MEF2A: variants seen among roughly 807,000 people sequenced by gnomAD.
The protein encoded by MEF2A is myocyte-specific enhancer factor 2A.
MEF2A carries 28 observed loss-of-function variants against 55.8 expected under a neutral mutation model. The ratio of observed to expected loss-of-function variants is 0.50; its 90% CI spans 0.37 to 0.69. MEF2A has a LOEUF of 0.69. Among genes scored for constraint, MEF2A ranks in the 30% least tolerant of loss-of-function variants. MEF2A has a pLI of 0.00. For synonymous variants in MEF2A, 239 were observed against 227.1 expected (o/e 1.05, Z -0.47); for missense variants, 528 against 626.2 (o/e 0.84, Z 1.67).
At chr15:99,658,310 ATGG>A (rs2048081084) in intron 4 of MEF2A, among the ~76,000 whole-genome samples, 1 of 152,234 alleles carries the variant, frequency 6.6e-6, no homozygotes, top group Non-Finnish European at 1.5e-5. Context: ...TGCAGTAAAC[ATGG>A]TGGAAGTAGA....
intron 8 of MEF2A, among the ~76,000 whole-genome samples, chr15:99,693,751 C>T (rs1211977298): frequency 6.6e-6 from 1 of 152,052 alleles, no homozygotes; most frequent in Admixed American, 6.6e-5. Context: ...GGAAGCCCTT[C>T]AGCAGGACTG....
intron 2 of MEF2A, among the ~76,000 whole-genome samples, chr15:99,624,921 T>TA (rs2041826023): frequency 6.6e-6 from 1 of 152,178 alleles, no homozygotes; most frequent in African/African-American, 2.4e-5. Context: ...ATACCCAACT[T>TA]ACAGTGGTTT....
At position 99,603,633 on chromosome 15, in the gene MEF2A, T is replaced by C. The variant is rs560169830; in HGVS notation, c.-143+5122T>C. 4.0e-5 allele frequency among the ~76,000 whole-genome samples: 6 copies of C among 151,772 alleles called. No individual in the cohort carries two copies. In the East Asian group the frequency reaches 9.7e-4, roughly 25 times the overall value. ...CCAGGCTGGTCTCGAACTGCTGACCTCAAGTGATCTGTCTGCCTTAGCCTC... is the reference window on the plus strand; with the variant it reads ...CCAGGCTGGTCTCGAACTGCTGACCCCAAGTGATCTGTCTGCCTTAGCCTC... On this transcript the variant is annotated intron_variant, in intron 2 of 11. Transcript: ENST00000557942.
chr15:99,661,236 C>A (rs1409797575), intron 4 of MEF2A, among the ~76,000 whole-genome samples: 1 of 151,952 alleles, frequency 6.6e-6, no homozygotes, highest in Middle Eastern at 3.4e-3. Flanking sequence ...TGCTTATAGA[C>A]CTAAATGTAA....
intron 2 of MEF2A, among the ~76,000 whole-genome samples, chr15:99,615,028 T>C (rs1310345690): frequency 6.6e-6 from 1 of 152,114 alleles, no homozygotes; most frequent in African/African-American, 2.4e-5. Flanking sequence ...GTTGCTGTAA[T>C]GAAAATGAGG....
At chr15:99,577,328 G>T (rs1346105694) in intron 1 of MEF2A, among the ~76,000 whole-genome samples, 1 of 152,140 alleles carries the variant, frequency 6.6e-6, no homozygotes, top group African/African-American at 2.4e-5. Context: ...GAAACATAAA[G>T]ATTTATTTCA....
rs114755708 is a variant in MEF2A, at chr15:99,638,597, G to T, written c.54+5424G>T. On this transcript the variant is annotated intron_variant, in intron 3 of 11. Coordinates refer to ENST00000557942, the MANE Select transcript of MEF2A (RefSeq NM_001319206.4). ...ATTAACTGATAAAACAGCCTAGTAC[G>T]TTCTTAATTTCTGATAATATAGTTT... Among the ~76,000 whole-genome samples, 873 of 151,976 alleles carry T rather than the reference G, an allele frequency of 5.7e-3. 6 individuals carry two copies. Among genetic ancestry groups the T allele is most frequent in the African/African-American group, 0.019 (777 of 41,460 alleles).
rs2059069902 is a variant in MEF2A, at chr15:99,715,572, C to G, written c.*2801C>G. ...ACCCAGACGCCCACGTGTGAACACA[C>G]CCACATCCACATCTCTGGGTGGAAA... On this transcript the variant is annotated 3_prime_UTR_variant, in exon 12 of 12. Transcript: ENST00000557942. 6.6e-6 allele frequency: 1 copy of G among 152,224 alleles called. No homozygotes were observed. Among genetic ancestry groups the G allele is most frequent in the Non-Finnish European group, 1.5e-5 (1 of 68,056 alleles). The allele number at this position is 152,224 out of a possible 1,614,324, so 9.4% of individuals were successfully genotyped here. A position where few individuals can be genotyped will look rare whatever the true frequency, so the allele number is the denominator to read the frequency against.
chr15:99,699,155 C>T (rs1468411133), intron 8 of MEF2A, among the ~76,000 whole-genome samples: 2 of 152,092 alleles, frequency 1.3e-5, no homozygotes, highest in African/African-American at 2.4e-5. Flanking sequence ...ATAAGAAACC[C>T]GTATCTTTCA....
At chr15:99,658,810 G>A (rs566853635) in intron 4 of MEF2A, among the ~76,000 whole-genome samples, 2 of 152,182 alleles carry the variant, frequency 1.3e-5, no homozygotes, top group Middle Eastern at 3.4e-3. Flanking sequence ...AGAAAATTTC[G>A]ACAGGGAAAG....
intron 4 of MEF2A, among the ~76,000 whole-genome samples, chr15:99,667,699 C>G (rs2050072014): frequency 6.6e-6 from 1 of 152,008 alleles, no homozygotes; most frequent in African/African-American, 2.4e-5. Flanking sequence ...CAAAAACTGG[C>G]TCTTCCACAG....
chr15:99,572,045 G>A (rs1307641637), intron 1 of MEF2A, among the ~76,000 whole-genome samples: 1 of 138,800 alleles, frequency 7.2e-6, no homozygotes, highest in Non-Finnish European at 1.5e-5. Context: ...TCACACAGCA[G>A]CCTGAGAATT....
At chr15:99,585,341 G>A (rs945912021) in intron 1 of MEF2A, among the ~76,000 whole-genome samples, 7 of 152,054 alleles carry the variant, frequency 4.6e-5, no homozygotes, top group African/African-American at 1.2e-4. Context: ...ATCTCGTTTC[G>A]TGAGTGTGTA....
intron 9 of MEF2A, among the ~76,000 whole-genome samples, chr15:99,705,955 C>T (rs537857241): frequency 2.0e-5 from 3 of 152,212 alleles, no homozygotes; most frequent in East Asian, 1.9e-4. Context: ...CTGCTTCTGT[C>T]GTACTCCTAC....
intron 2 of MEF2A, among the ~76,000 whole-genome samples, chr15:99,608,755 G>A (rs1976022242): frequency 6.6e-6 from 1 of 152,080 alleles, no homozygotes; most frequent in African/African-American, 2.4e-5. Context: ...CAAAAAGTTA[G>A]CTGGGCGTGA....
intron 1 of MEF2A, among the ~76,000 whole-genome samples, chr15:99,574,444 A>G (rs1186520661): frequency 6.6e-6 from 1 of 152,192 alleles, no homozygotes; most frequent in African/African-American, 2.4e-5. Flanking sequence ...TGAAATACTT[A>G]TACAACTCAC....
intron 2 of MEF2A, among the ~76,000 whole-genome samples, chr15:99,613,679 A>G (rs987368130): frequency 6.6e-6 from 1 of 152,238 alleles, no homozygotes; most frequent in Non-Finnish European, 1.5e-5. Context: ...ATAGCAGAGC[A>G]GGAGGGATTG....
intron 2 of MEF2A, among the ~76,000 whole-genome samples, chr15:99,603,984 T>G (rs1019531165): frequency 6.6e-6 from 1 of 152,244 alleles, no homozygotes; most frequent in African/African-American, 2.4e-5. Flanking sequence ...TCTTTGTCAC[T>G]ATTAAATTTT....
At chr15:99,605,060 C>G (rs953842197) in intron 2 of MEF2A, among the ~76,000 whole-genome samples, 5 of 152,164 alleles carry the variant, frequency 3.3e-5, no homozygotes, top group African/African-American at 1.2e-4. Flanking sequence ...GTTCTCTTGC[C>G]TCATCCTCCC....
Sources: gnomAD v4.1 joint callset for allele counts (sites outside exome capture counted in the v4.1 genomes callset) on GRCh38, gnomAD v4.1.1 for gene constraint, MANE v1.5 for transcripts, NCBI Gene and HGNC (gene_info 2026-07-23, HGNC 2026-07-21) for gene names.